The following WDR59 variants were observed in gnomAD, a reference collection of about 807,000 sequenced individuals.
WDR59 encodes the protein GATOR2 complex protein WDR59.
In WDR59, 100 loss-of-function variants were observed where a neutral mutation model predicts 131.2. The ratio of observed to expected loss-of-function variants is 0.76; its 90% CI spans 0.65 to 0.90. The LOEUF is 0.90. WDR59 is among the 40% of genes least tolerant of loss of function. The probability of loss-of-function intolerance (pLI) is 0.00; values close to 1 mark genes in which losing one functional copy is unlikely to be tolerated. For missense variants in WDR59, 1,203 were observed against 1,262.2 expected, an observed-to-expected ratio of 0.95 and a Z score of 0.71; for synonymous variants, 601 against 466.2, an observed-to-expected ratio of 1.29 and a Z score of -3.72.
chr16:74,940,984 G>A (rs1203511617), intron 7 of WDR59, among the ~76,000 whole-genome samples: 2 of 151,966 alleles, frequency 1.3e-5, no homozygotes, highest in Admixed American at 6.6e-5. Context: ...GATTACAGGT[G>A]TGAGCCACCG....
intron 1 of WDR59, among the ~76,000 whole-genome samples, chr16:74,973,186 A>G (rs2034056011): frequency 1.3e-5 from 2 of 152,316 alleles, no homozygotes; most frequent in South Asian, 4.1e-4. Context: ...GGTTGCAGTG[A>G]GCCAAGATTG....
rs2032408796 is a variant in WDR59 at position 74,943,801 on chromosome 16, G to A, written c.446-975C>T. Reference sequence around the variant, plus strand: ...GAAGTCCAGAGTAGGACAGAGCAATGACTCAGAATCTAACAGGACATACAG... The same window carrying A: ...GAAGTCCAGAGTAGGACAGAGCAATAACTCAGAATCTAACAGGACATACAG... On this transcript the variant is annotated intron_variant, in intron 6 of 25. Coordinates refer to ENST00000262144, the MANE Select transcript of WDR59 (RefSeq NM_030581.4). Among the ~76,000 whole-genome samples, 6 of 152,174 alleles carry A rather than the reference G, an allele frequency of 3.9e-5. No homozygotes were observed. The South Asian group carries it at 1.2e-3, about 31-fold the overall frequency.
chr16:74,973,717 G>A (rs2034077624), intron 1 of WDR59, among the ~76,000 whole-genome samples: 1 of 152,222 alleles, frequency 6.6e-6, no homozygotes, highest in Non-Finnish European at 1.5e-5. Flanking sequence ...TTCTTTGAAT[G>A]TCATGGTGGA....
chr16:74,907,867 T>A (rs1965894134), intron 17 of WDR59, among the ~76,000 whole-genome samples: 1 of 152,180 alleles, frequency 6.6e-6, no homozygotes, highest in Admixed American at 6.5e-5. Flanking sequence ...GCTATGATGA[T>A]CCCCATGTTA....
At chr16:74,957,578 G>T (rs550505467) in intron 2 of WDR59, among the ~76,000 whole-genome samples, 2 of 152,110 alleles carry the variant, frequency 1.3e-5, no homozygotes, top group East Asian at 1.9e-4. Context: ...CAACAAAAAG[G>T]AATAATAATT....
intron 14 of WDR59, 191 bp downstream of exon 14, chr16:74,912,007 T>C: frequency 1.4e-6 from 1 of 696,372 alleles, no homozygotes; most frequent in South Asian, 2.4e-5. Context: ...CCAAAAAAGG[T>C]TAAGAACCAC....
intron 1 of WDR59, among the ~76,000 whole-genome samples, chr16:74,980,369 T>C (rs949553454): frequency 3.3e-5 from 5 of 151,484 alleles, no homozygotes; most frequent in Non-Finnish European, 1.5e-5. Flanking sequence ...TTTTTTTTTT[T>C]TTTTTGAGAC....
rs1966388181 is a variant in WDR59 at position 74,916,392 on chromosome 16, A to T, written c.967-133T>A. 2.6e-6 allele frequency: 3 copies of T among 1,168,366 alleles called. No homozygotes were observed. In the Admixed American group the frequency reaches 5.9e-5, roughly 23 times the overall value. The allele number at this position is 1,168,366 out of a possible 1,614,324, so 72.4% of individuals were successfully genotyped here. Reference sequence around the variant, plus strand: ...GTGTCAGCCAAGAGCTGACATAATCAAAATAGATTTTACCCATTGCCAACT... The same window carrying T: ...GTGTCAGCCAAGAGCTGACATAATCTAAATAGATTTTACCCATTGCCAACT... On this transcript the variant is annotated intron_variant, in intron 11 of 25. Coordinates refer to ENST00000262144, the MANE Select transcript of WDR59 (RefSeq NM_030581.4).
chr16:74,948,455 C>A (rs372782921), intron 6 of WDR59, 64 bp downstream of exon 6: 4 of 1,448,378 alleles, frequency 2.8e-6, no homozygotes, highest in Non-Finnish European at 3.9e-6. Context: ...CGGGAAAGAA[C>A]TGGAAGGAAG....
At chr16:74,928,616 A>G (rs1179023644) in intron 8 of WDR59, among the ~76,000 whole-genome samples, 1 of 152,104 alleles carries the variant, frequency 6.6e-6, no homozygotes, top group East Asian at 1.9e-4. Flanking sequence ...AAAATACTCC[A>G]ATGAAATGGG....
intron 1 of WDR59, among the ~76,000 whole-genome samples, chr16:74,978,069 G>A (rs1352502207): frequency 6.6e-6 from 1 of 151,906 alleles, no homozygotes; most frequent in African/African-American, 2.4e-5. Context: ...AAATTACCCA[G>A]GACTGGCCAG....
intron 4 of WDR59, among the ~76,000 whole-genome samples, chr16:74,950,351 A>G (rs1287156135): frequency 2.6e-5 from 4 of 152,194 alleles, no homozygotes; most frequent in Non-Finnish European, 4.4e-5. Context: ...AAACAAACAA[A>G]CAAACAAAAT....
intron 25 of WDR59, 115 bp from the exon 26 acceptor site, chr16:74,874,559 TC>T: frequency 1.3e-6 from 1 of 786,138 alleles, no homozygotes; most frequent in Non-Finnish European, 2.0e-6. Flanking sequence ...TAGCAGATTC[TC>T]TTAGACCAGT....
rs1173676007 is a variant in WDR59, at chr16:74,916,229, C to G, written c.997G>C (p.Asp333His). The G allele has an allele frequency of 1.9e-6, 3 of 1,613,992 alleles. No homozygotes were observed. In the African/African-American group the frequency reaches 4.0e-5, roughly 22 times the overall value. ...LCANDILDGV[D>H]EFIESISLLP... The stretch of plus-strand genomic sequence containing the variant: ...AGGGAAATACTCTCAATGAACTCAT[C>G]AACACCATCTAATATGTCATTTGCA... The change falls in exon 12 of 26, where the codon GAT (aspartate) becomes CAT (histidine). Residue 333 changes from aspartate (D) to histidine (H), a missense_variant. Physicochemically the swap from Asp to His is moderately conservative, Grantham distance 81. Transcript: ENST00000262144.
intron 17 of WDR59, among the ~76,000 whole-genome samples, chr16:74,907,333 G>A (rs949575200): frequency 3.3e-5 from 5 of 152,156 alleles, no homozygotes; most frequent in African/African-American, 1.2e-4. Flanking sequence ...GTCAAGGGAG[G>A]GACACAGTGG....
At chr16:74,951,715 G>A (rs1469681246) in intron 3 of WDR59, among the ~76,000 whole-genome samples, 172 bp from the exon 4 acceptor site, 4 of 152,194 alleles carry the variant, frequency 2.6e-5, no homozygotes, top group African/African-American at 7.2e-5. Context: ...ACATTAGCTT[G>A]AGCTAACTTC....
intron 3 of WDR59, among the ~76,000 whole-genome samples, chr16:74,956,106 C>T (rs1943064): frequency 0.38 from 57,108 of 151,918 alleles, 11,258 homozygotes; most frequent in East Asian, 0.72. Context: ...AGGTCAACTC[C>T]ACACCAGCTC....
At chr16:74,902,663 T>G (rs1437394392) in intron 18 of WDR59, among the ~76,000 whole-genome samples, 1 of 152,274 alleles carries the variant, frequency 6.6e-6, no homozygotes, top group East Asian at 1.9e-4. Context: ...GACCTGGCCC[T>G]GACACTAAAG....
intron 7 of WDR59, 140 bp downstream of exon 7, chr16:74,942,598 C>G (rs2032317835): frequency 1.4e-6 from 1 of 734,618 alleles, no homozygotes; most frequent in Non-Finnish European, 2.3e-6. Flanking sequence ...TCGTCTGGTA[C>G]TATGAGCTTA....
Sources: allele counts gnomAD v4.1 joint callset (sites outside exome capture counted in the v4.1 genomes callset), GRCh38; gene constraint gnomAD v4.1.1; transcripts MANE v1.5; gene names NCBI Gene and HGNC (gene_info 2026-07-23, HGNC 2026-07-21).